OSBPL3: variants seen among roughly 807,000 people sequenced by gnomAD.
OSBPL3 encodes oxysterol-binding protein-related protein 3.
A neutral mutation model predicts 120.1 loss-of-function variants in OSBPL3; 65 were observed. That is an observed-to-expected ratio of 0.54 (90% CI 0.44 to 0.67). The LOEUF (loss-of-function observed/expected upper bound fraction) is 0.67. Ranked by LOEUF, OSBPL3 falls within the 30% of genes least tolerant of loss-of-function variation. The pLI is 0.00. For synonymous variants in OSBPL3, 416 were observed against 402.6 expected, an observed-to-expected ratio of 1.03 and a Z score of -0.40; for missense variants, 1,004 against 1,082.1, an observed-to-expected ratio of 0.93 and a Z score of 1.01.
rs530819500 is a variant in OSBPL3, at chr7:24,827,529, C to T, written c.1884+3239G>A. On this transcript the variant is annotated intron_variant, in intron 16 of 22. Coordinates refer to ENST00000313367, the MANE Select transcript of OSBPL3 (RefSeq NM_015550.4). This position sits in a 1 kb window ranked among gnomAD's most constrained non-coding sequence, Gnocchi z 5.1. The stretch of plus-strand genomic sequence containing the variant: ...TATGCTCACTTAGGATTCTCATTGG[C>T]TTCCCAAGTAATCTGCCTATGGGAA... 4.3e-4 allele frequency among the ~76,000 whole-genome samples: 66 copies of T among 152,366 alleles called. 1 individual carries two copies. The South Asian group carries it at 0.013, about 30-fold the overall frequency.
intron 1 of OSBPL3, among the ~76,000 whole-genome samples, chr7:24,962,016 A>AAT (rs1815802071): frequency 6.6e-6 from 1 of 152,144 alleles, no homozygotes; most frequent in Admixed American, 6.5e-5. Flanking sequence ...CCTGTTGTTT[A>AAT]ATAAAGAGAC....
Position 24,863,469 on chromosome 7 carries a change from T to C in OSBPL3, c.777+27A>G, listed in dbSNP as rs1403023312. On this transcript the variant is annotated intron_variant, in intron 8 of 22. Coordinates refer to ENST00000313367, the MANE Select transcript of OSBPL3 (RefSeq NM_015550.4). The surrounding 1 kb of genome is among the most constrained non-coding windows in gnomAD (Gnocchi z 5.8). ...AAAGGAAAGCAGAAGAGGGCCAGAA[T>C]GTCAACAGAAGAGGAGTCCGGCTCA... is the stretch of plus-strand genomic sequence containing the variant. 1.3e-6 allele frequency: 2 copies of C among 1,555,970 alleles called. No individual in the cohort carries two copies. The highest frequency in any genetic ancestry group is 2.2e-5 in the East Asian group (1 of 44,556).
chr7:24,949,933 T>C (rs1354377963), intron 1 of OSBPL3, among the ~76,000 whole-genome samples: 2 of 152,218 alleles, frequency 1.3e-5, no homozygotes, highest in Non-Finnish European at 2.9e-5. Context: ...GGCCCCAAAC[T>C]AAGCCCAGGC....
upstream of OSBPL3, chr7:24,981,707 C>G (rs1199404039): frequency 6.5e-6 from 1 of 152,678 alleles, no homozygotes; most frequent in Non-Finnish European, 1.5e-5. The surrounding 1 kb of genome is among the most constrained non-coding windows in gnomAD (Gnocchi z 7.3). Context: ...CGAGCAAATC[C>G]ACTGTCATGC....
At position 24,867,516 on chromosome 7, in the gene OSBPL3, C is replaced by T. The variant is rs530932858; in HGVS notation, c.382-1279G>A. The stretch of plus-strand genomic sequence containing the variant: ...TTCCCATGGTGTTCTCGTGGTGGTG[C>T]GTGGGTCTCGCAAGATCTGGTGGTA... On this transcript the variant is annotated intron_variant, in intron 5 of 22. Transcript: ENST00000313367. This position sits in a 1 kb window ranked among gnomAD's most constrained non-coding sequence, Gnocchi z 4.5. Among the ~76,000 whole-genome samples, 12 of 152,166 alleles carry T rather than the reference C, an allele frequency of 7.9e-5. No homozygotes were observed. Among genetic ancestry groups the T allele is most frequent in the East Asian group, 7.7e-4 (4 of 5,174 alleles).
Position 24,896,543 on chromosome 7 carries a change from A to C in OSBPL3, c.-149-3922T>G, listed in dbSNP as rs1386920112. Among the ~76,000 whole-genome samples, 1 of 152,222 alleles carries C rather than the reference A, an allele frequency of 6.6e-6. No individual in the cohort carries two copies. The highest frequency in any genetic ancestry group is 1.5e-5 in the Non-Finnish European group (1 of 68,040). On this transcript the variant is annotated intron_variant, in intron 1 of 22. Coordinates refer to ENST00000313367, the MANE Select transcript of OSBPL3 (RefSeq NM_015550.4). The surrounding 1 kb of genome is among the most constrained non-coding windows in gnomAD (Gnocchi z 4.4). ...CGCACTGTCAAGTATTTTGGCAACA[A>C]AGGCTGATTTTAAGACTCATGTTAG...
At chr7:24,847,059 C>CAAAAAAA (rs10712873) in intron 12 of OSBPL3, among the ~76,000 whole-genome samples, 3 of 106,266 alleles carry the variant, frequency 2.8e-5, no homozygotes, top group Non-Finnish European at 3.9e-5. Flanking sequence ...GACTCTGTCT[C>CAAAAAAA]AAAAAAAAAA....
At chr7:24,974,782 T>A (rs1817397989) in intron 1 of OSBPL3, among the ~76,000 whole-genome samples, 1 of 152,158 alleles carries the variant, frequency 6.6e-6, no homozygotes, top group Non-Finnish European at 1.5e-5. Flanking sequence ...TTATATGAAA[T>A]GTCTAGAATA....
In OSBPL3 at chr7:24,892,407, A is replaced by G; in HGVS notation, c.66T>C (p.Ser22=). ...QKLVSPSRST[S]SCSSKQGSRQ... The stretch of plus-strand genomic sequence containing the variant: ...GACTTCCTTGCTTGGAAGAGCAGCT[A>G]CTTGTGCTCCTTGAAGGTGATACCA... Residue 22 remains serine, a synonymous_variant, in exon 2 of 23, where the codon AGT becomes AGC. Transcript: ENST00000313367. The G allele has an allele frequency of 6.2e-7, 1 of 1,613,626 alleles. No individual in the cohort carries two copies. Among genetic ancestry groups the G allele is most frequent in the Non-Finnish European group, 8.5e-7 (1 of 1,179,620 alleles).
Position 24,861,644 on chromosome 7 carries a change from C to A in OSBPL3, c.996G>T (p.Met332Ile). ...GGGCAATATGACACAGATCTTCTTG[C>A]ATTTTAGAAAACTCTGATGAGGTTT... ...GSETSSEFSKMQEDLCHIAHK... is the reference protein window; with the variant it reads ...GSETSSEFSKIQEDLCHIAHK... The change falls in exon 10 of 23, where the codon ATG (methionine) becomes ATT (isoleucine). Residue 332 changes from methionine (M) to isoleucine (I), a missense_variant. Physicochemically the swap from Met to Ile is conservative, Grantham distance 10 (BLOSUM62 1). Coordinates refer to ENST00000313367, the MANE Select transcript of OSBPL3 (RefSeq NM_015550.4). 1 of 1,604,980 alleles carries A rather than the reference C, an allele frequency of 6.2e-7. No homozygotes were observed. The highest frequency in any genetic ancestry group is 8.5e-7 in the Non-Finnish European group (1 of 1,176,668).
At chr7:24,970,098 CCCTTT>C (rs1361718498) in intron 1 of OSBPL3, among the ~76,000 whole-genome samples, 45 of 144,594 alleles carry the variant, frequency 3.1e-4, no homozygotes, top group Non-Finnish European at 2.7e-4. Context: ...TTCCCTTCGT[CCCTTT>C]CTTTTTTTTT....
At chr7:24,976,516 G>C (rs1447872199) in intron 1 of OSBPL3, among the ~76,000 whole-genome samples, 1 of 148,156 alleles carries the variant, frequency 6.7e-6, no homozygotes, top group Non-Finnish European at 1.5e-5. Flanking sequence ...GCCTGAAGGT[G>C]ATCTGAACAG....
rs184413828 is a variant in OSBPL3 at position 24,918,465 on chromosome 7, T to G, written c.-149-25844A>C. 6.6e-6 allele frequency among the ~76,000 whole-genome samples: 1 copy of G among 152,300 alleles called. No individual in the cohort carries two copies. Among genetic ancestry groups the G allele is most frequent in the African/African-American group, 2.4e-5 (1 of 41,570 alleles). ...AGAAAGAAGTGCCACTCGAGAGAGT[T>G]AAAACACTAAGTCAGCTGGATAAAC... On this transcript the variant is annotated intron_variant, in intron 1 of 22. Coordinates refer to ENST00000313367, the MANE Select transcript of OSBPL3 (RefSeq NM_015550.4). The surrounding 1 kb of genome is among the most constrained non-coding windows in gnomAD (Gnocchi z 4.3).
In OSBPL3 at chr7:24,964,450, C is replaced by T. The variant is rs1210614201; in HGVS notation, c.-150+15436G>A. 2.6e-5 allele frequency among the ~76,000 whole-genome samples: 4 copies of T among 152,126 alleles called. No individual in the cohort carries two copies. Among genetic ancestry groups the T allele is most frequent in the Non-Finnish European group, 5.9e-5 (4 of 68,026 alleles). On this transcript the variant is annotated intron_variant, in intron 1 of 22. Coordinates refer to ENST00000313367, the MANE Select transcript of OSBPL3 (RefSeq NM_015550.4). This position sits in a 1 kb window ranked among gnomAD's most constrained non-coding sequence, Gnocchi z 4.2. ...AATCTTCTTCCCCAAAACCCATAACCCCAGTCCAATACAAGAAAATCATCA... is the reference window on the plus strand; with the variant it reads ...AATCTTCTTCCCCAAAACCCATAACTCCAGTCCAATACAAGAAAATCATCA...
Position 24,938,375 on chromosome 7 carries a change from C to G in OSBPL3, c.-150+41511G>C, listed in dbSNP as rs1224166000. 6.6e-6 allele frequency among the ~76,000 whole-genome samples: 1 copy of G among 152,204 alleles called. No homozygotes were observed. The highest frequency in any genetic ancestry group is 1.5e-5 in the Non-Finnish European group (1 of 68,048). On this transcript the variant is annotated intron_variant, in intron 1 of 22. Transcript: ENST00000313367. This position sits in a 1 kb window ranked among gnomAD's most constrained non-coding sequence, Gnocchi z 5.8. ...TCTCCAGACTGTAAGCAACCCATTT[C>G]TATTGTTTATAAATTACCCGGTTTA...
intron 16 of OSBPL3, among the ~76,000 whole-genome samples, chr7:24,828,523 A>C (rs1464430124): frequency 3.4e-5 from 5 of 148,416 alleles, no homozygotes; most frequent in African/African-American, 7.5e-5. Flanking sequence ...TGCGAGGATC[A>C]CTTGAACTGG....
chr7:24,879,096 C>T lies in OSBPL3; in HGVS notation c.97-7027G>A, dbSNP rs1224911828. On this transcript the variant is annotated intron_variant, in intron 2 of 22. Coordinates refer to ENST00000313367, the MANE Select transcript of OSBPL3 (RefSeq NM_015550.4). The surrounding 1 kb of genome is among the most constrained non-coding windows in gnomAD (Gnocchi z 5.6). Reference sequence around the variant, plus strand: ...GCTATGAAAAATGGCAAAAACATGGCTGATCTATGAAAGTCTCTGGAGTGC... The same window carrying T: ...GCTATGAAAAATGGCAAAAACATGGTTGATCTATGAAAGTCTCTGGAGTGC... 6.6e-6 allele frequency among the ~76,000 whole-genome samples: 1 copy of T among 152,188 alleles called. No individual in the cohort carries two copies. Among genetic ancestry groups the T allele is most frequent in the South Asian group, 2.1e-4 (1 of 4,822 alleles).
chr7:24,852,047 G>A lies in OSBPL3; in HGVS notation c.1158+457C>T, dbSNP rs1395007170. 6.6e-6 allele frequency among the ~76,000 whole-genome samples: 1 copy of A among 152,162 alleles called. No homozygotes were observed. Among genetic ancestry groups the A allele is most frequent in the Non-Finnish European group, 1.5e-5 (1 of 68,052 alleles). ...ATGTCTTTGAAAGAGTGGTAAACAG[G>A]ATCAGTGCTTTGCAATAGGGAAGAT... On this transcript the variant is annotated intron_variant, in intron 11 of 22. Coordinates refer to ENST00000313367, the MANE Select transcript of OSBPL3 (RefSeq NM_015550.4). This position sits in a 1 kb window ranked among gnomAD's most constrained non-coding sequence, Gnocchi z 4.1.
Position 24,863,132 on chromosome 7 carries a change from C to T in OSBPL3, c.870+68G>A, listed in dbSNP as rs902384760. ...TATTCTCCTAGCTGAGTCAAGGTAG[C>T]TGCTGGCACACGGCATGCAGAGCAG... On this transcript the variant is annotated intron_variant, in intron 9 of 22. Transcript: ENST00000313367. This position sits in a 1 kb window ranked among gnomAD's most constrained non-coding sequence, Gnocchi z 5.8. 6.3e-6 allele frequency: 7 copies of T among 1,102,450 alleles called. No homozygotes were observed. Among genetic ancestry groups the T allele is most frequent in the African/African-American group, 1.5e-5 (1 of 65,082 alleles). The allele number at this position is 1,102,450 out of a possible 1,614,324, so 68.3% of individuals were successfully genotyped here.
Sources: allele counts gnomAD v4.1 joint callset (sites outside exome capture counted in the v4.1 genomes callset), GRCh38; gene constraint gnomAD v4.1.1; non-coding constraint Gnocchi (gnomAD v3.1); transcripts MANE v1.5; gene names NCBI Gene and HGNC (gene_info 2026-07-23, HGNC 2026-07-21).